Variants in ZCCHC14 observed in about 807,000 individuals in gnomAD.
The protein encoded by ZCCHC14 is zinc finger CCHC-type containing 14.
A neutral mutation model predicts 85.0 loss-of-function variants in ZCCHC14; 16 were observed. The observed-to-expected ratio is 0.19, with a 90% CI of 0.13 to 0.29. The LOEUF (loss-of-function observed/expected upper bound fraction) is 0.29. Among genes scored for constraint, ZCCHC14 ranks in the 10% least tolerant of loss-of-function variants. The pLI is 1.00. For synonymous variants in ZCCHC14, 775 were observed against 630.7 expected (o/e 1.23, Z -3.43); for missense variants, 1,303 against 1,443.5 (o/e 0.90, Z 1.58).
intron 2 of ZCCHC14, among the ~76,000 whole-genome samples, chr16:87,435,729 C>T (rs749877387): frequency 6.6e-6 from 1 of 152,250 alleles, no homozygotes; most frequent in Middle Eastern, 3.2e-3. Flanking sequence ...CTCACGGATG[C>T]GGGAGTCCAC....
Position 87,491,672 on chromosome 16 carries a change from G to C in ZCCHC14, c.567C>G (p.His189Gln). The change falls in exon 1 of 13, where the codon CAC (histidine) becomes CAG (glutamine). Residue 189 changes from histidine (H) to glutamine (Q), a missense_variant. Physicochemically the swap from His to Gln is conservative, Grantham distance 24. Coordinates refer to ENST00000671377, the MANE Select transcript of ZCCHC14 (RefSeq NM_015144.3). This position sits in a 1 kb window ranked among gnomAD's most constrained non-coding sequence, Gnocchi z 5.9. ...GGALPTCPAC[H>Q]KITPRTEAPV... Reference sequence around the variant, plus strand: ...AGAGCTCGGGGCGGGCACGCACCTTGTGGCAGGCTGGGCAAGTGGGCAGCG... The same window carrying C: ...AGAGCTCGGGGCGGGCACGCACCTTCTGGCAGGCTGGGCAAGTGGGCAGCG... 1.4e-6 allele frequency: 2 copies of C among 1,416,400 alleles called. No homozygotes were observed. The highest frequency in any genetic ancestry group is 1.8e-6 in the Non-Finnish European group (2 of 1,091,530). The allele number at this position is 1,416,400 out of a possible 1,614,324, so 87.7% of individuals were successfully genotyped here. A position where few individuals can be genotyped will look rare whatever the true frequency, so the allele number is the denominator to read the frequency against.
chr16:87,414,861 G>A (rs1402588519), intron 9 of ZCCHC14, among the ~76,000 whole-genome samples: 3 of 152,180 alleles, frequency 2.0e-5, no homozygotes, highest in African/African-American at 4.8e-5. Context: ...CGGGCAGATC[G>A]CCTGAGGTCC....
At chr16:87,465,844 T>A (rs1221256008) in intron 1 of ZCCHC14, among the ~76,000 whole-genome samples, 2 of 151,870 alleles carry the variant, frequency 1.3e-5, no homozygotes, top group East Asian at 3.9e-4. Context: ...TAAAAAAAAA[T>A]AAACAGAGCC....
intron 2 of ZCCHC14, among the ~76,000 whole-genome samples, chr16:87,446,453 C>T (rs1016771745): frequency 3.0e-4 from 44 of 148,576 alleles, no homozygotes; most frequent in Non-Finnish European, 5.8e-4. Flanking sequence ...CACCGCACTC[C>T]AGCCTGGGCG....
chr16:87,434,990 C>CAA (rs35789742), intron 2 of ZCCHC14, among the ~76,000 whole-genome samples: 6 of 74,374 alleles, frequency 8.1e-5, no homozygotes, highest in Admixed American at 5.3e-4. Context: ...GACTTCGCCT[C>CAA]AAAAAAAAAA....
chr16:87,488,929 G>A (rs544188715), intron 1 of ZCCHC14, among the ~76,000 whole-genome samples: 1 of 150,706 alleles, frequency 6.6e-6, no homozygotes, highest in African/African-American at 2.5e-5. Flanking sequence ...ATTGACATTT[G>A]TATCTCTAAA....
Position 87,492,964 on chromosome 16 carries a change from G to A in ZCCHC14, c.-726C>T, listed in dbSNP as rs1912853432. Among the ~76,000 whole-genome samples, 1 of 151,508 alleles carries A rather than the reference G, an allele frequency of 6.6e-6. No homozygotes were observed. Among genetic ancestry groups the A allele is most frequent in the Admixed American group, 6.6e-5 (1 of 15,212 alleles). ...CGACGGCGACGGCGGAGGAGGCGCCGGCCGAGGAGCGGAGGGATCGTCGCG... is the reference window on the plus strand; with the variant it reads ...CGACGGCGACGGCGGAGGAGGCGCCAGCCGAGGAGCGGAGGGATCGTCGCG... On this transcript the variant is annotated 5_prime_UTR_variant, in exon 1 of 13. Coordinates refer to ENST00000671377, the MANE Select transcript of ZCCHC14 (RefSeq NM_015144.3). This position sits in a 1 kb window ranked among gnomAD's most constrained non-coding sequence, Gnocchi z 6.7.
intron 2 of ZCCHC14, among the ~76,000 whole-genome samples, chr16:87,452,106 GA>G (rs1362375177): frequency 6.6e-6 from 1 of 152,250 alleles, no homozygotes; most frequent in Non-Finnish European, 1.5e-5. Flanking sequence ...ACAGACTGAA[GA>G]GGGGCAAGGC....
chr16:87,451,325 C>A (rs1003199457), intron 2 of ZCCHC14, among the ~76,000 whole-genome samples: 10 of 151,976 alleles, frequency 6.6e-5, no homozygotes, highest in Admixed American at 5.9e-4. Context: ...GCATCCCAAG[C>A]ACCTGATATT....
chr16:87,488,884 T>C (rs1482335724), intron 1 of ZCCHC14, among the ~76,000 whole-genome samples: 1 of 152,190 alleles, frequency 6.6e-6, no homozygotes, highest in Non-Finnish European at 1.5e-5. Flanking sequence ...GGCCAAGAAA[T>C]AAAAATTCAA....
intron 1 of ZCCHC14, among the ~76,000 whole-genome samples, chr16:87,477,133 A>T (rs1912047305): frequency 6.9e-6 from 1 of 145,590 alleles, no homozygotes; most frequent in African/African-American, 2.7e-5. Flanking sequence ...AAAAAAAAAA[A>T]AAAAAAAACA....
In ZCCHC14 at chr16:87,486,603, TG is replaced by T. The variant is rs61589154; in HGVS notation, c.570+5065del. ...ACTGTATGCCTCAATTCCCGTATCATGTACTGTACTTTACTATGAAACAGGA... is the reference window on the plus strand; with the variant it reads ...ACTGTATGCCTCAATTCCCGTATCATTACTGTACTTTACTATGAAACAGGA... On this transcript the variant is annotated intron_variant, in intron 1 of 12. Transcript: ENST00000671377. 6.0e-3 allele frequency among the ~76,000 whole-genome samples: 914 copies of T among 152,352 alleles called. 12 individuals are homozygous for T. Among genetic ancestry groups the T allele is most frequent in the African/African-American group, 0.021 (872 of 41,580 alleles).
Position 87,410,216 on chromosome 16 carries a change from G to A in ZCCHC14, c.*64C>T. The A allele has an allele frequency of 4.5e-6, 3 of 672,882 alleles. No individual in the cohort carries two copies. The highest frequency in any genetic ancestry group is 2.4e-5 in the Admixed American group (1 of 41,826). The allele number at this position is 672,882 out of a possible 1,614,324, so 41.7% of individuals were successfully genotyped here. A position where few individuals can be genotyped will look rare whatever the true frequency, so the allele number is the denominator to read the frequency against. On this transcript the variant is annotated 3_prime_UTR_variant, in exon 13 of 13. Coordinates refer to ENST00000671377, the MANE Select transcript of ZCCHC14 (RefSeq NM_015144.3). ...AGCTCAACAGCAACTAGACTTCTCA[G>A]TTTTGTATTTAATTTTCCTTATGTC...
chr16:87,416,003 T>C (rs1908764332), intron 8 of ZCCHC14, among the ~76,000 whole-genome samples: 1 of 152,208 alleles, frequency 6.6e-6, no homozygotes, highest in African/African-American at 2.4e-5. Context: ...CTCGGCTCAC[T>C]GCAACCTCCA....
At chr16:87,490,052 G>A (rs1912682556) in intron 1 of ZCCHC14, among the ~76,000 whole-genome samples, 1 of 152,046 alleles carries the variant, frequency 6.6e-6, no homozygotes, top group Non-Finnish European at 1.5e-5. Context: ...CATTTCCTAG[G>A]ACCCTCTGCA....
At chr16:87,467,729 G>A (rs1015803190) in intron 1 of ZCCHC14, 9 of 610,898 alleles carry the variant, frequency 1.5e-5, no homozygotes, top group Non-Finnish European at 2.4e-5. Context: ...TTGGCTCACT[G>A]CAAGCTCCGC....
At chr16:87,478,826 C>G (rs1395557512) in intron 1 of ZCCHC14, among the ~76,000 whole-genome samples, 1 of 151,976 alleles carries the variant, frequency 6.6e-6, no homozygotes, top group Non-Finnish European at 1.5e-5. Context: ...AGGCTGGACT[C>G]AAATTCCTGA....
chr16:87,473,004 C>CCACTG (rs1169006025), intron 1 of ZCCHC14: 11 of 152,240 alleles, frequency 7.2e-5, no homozygotes, highest in Admixed American at 6.5e-4. Flanking sequence ...CAGGCATGAA[C>CCACTG]CACTGCACCC....
intron 1 of ZCCHC14, among the ~76,000 whole-genome samples, chr16:87,464,533 C>G (rs1364950421): frequency 6.6e-6 from 1 of 152,172 alleles, no homozygotes; most frequent in East Asian, 1.9e-4. Flanking sequence ...GTAGGTCCGT[C>G]TGCCACAACC....
Sources: allele counts gnomAD v4.1 joint callset (sites outside exome capture counted in the v4.1 genomes callset), GRCh38; gene constraint gnomAD v4.1.1; non-coding constraint Gnocchi (gnomAD v3.1); transcripts MANE v1.5; gene names NCBI Gene and HGNC (gene_info 2026-07-23, HGNC 2026-07-21).